The following COL6A1 variants were observed in gnomAD, a reference collection of about 807,000 sequenced individuals.
COL6A1 encodes collagen alpha-1(VI) chain.
A neutral mutation model predicts 145.6 loss-of-function variants in COL6A1; 80 were observed. The ratio of observed to expected loss-of-function variants is 0.55; its 90% confidence interval spans 0.46 to 0.66. The LOEUF (loss-of-function observed/expected upper bound fraction) is 0.66, where lower values mean the gene tolerates loss of function less well. COL6A1 is among the 30% of genes least tolerant of loss of function. The pLI, the probability that COL6A1 is intolerant of heterozygous loss-of-function variation, is 0.00. For synonymous variants in COL6A1, 638 were observed against 622.8 expected (o/e 1.02, Z -0.36); for missense variants, 1,364 against 1,473.8 (o/e 0.93, Z 1.22).
intron 2 of COL6A1, among the ~76,000 whole-genome samples, chr21:45,983,823 C>T (rs1387873493): frequency 7.6e-6 from 1 of 130,726 alleles, no homozygotes; most frequent in Non-Finnish European, 1.6e-5. Context: ...TTCCTGCAGG[C>T]GCCGTGGTCA....
intron 20 of COL6A1, among the ~76,000 whole-genome samples, chr21:45,995,477 G>A (rs1569518551): frequency 6.6e-6 from 1 of 152,246 alleles, no homozygotes; most frequent in Non-Finnish European, 1.5e-5. Context: ...CCAGACCTTG[G>A]TAGCTGAAAG....
chr21:46,001,474 C>T (rs376772879), intron 30 of COL6A1, 88 bp downstream of exon 30: 15 of 1,536,380 alleles, frequency 9.8e-6, no homozygotes, highest in African/African-American at 5.4e-5. Context: ...CTCAGCCTCC[C>T]GAGGCCACCG....
In COL6A1 at chr21:45,984,447, G is replaced by T; in HGVS notation, c.406G>T (p.Gly136Trp). 6.2e-7 allele frequency: 1 copy of T among 1,611,372 alleles called. No homozygotes were observed. The highest frequency in any genetic ancestry group is 8.5e-7 in the Non-Finnish European group (1 of 1,179,920). ...GTYTDCAIKK[G>W]LEQLLVGGSH... ...CTACACCGACTGCGCTATCAAGAAG[G>T]GGCTGGAGCAGCTCCTCGTGGGGTG... Residue 136 changes from glycine (G) to tryptophan (W), a missense_variant, in exon 3 of 35, where the codon GGG (glycine) becomes TGG (tryptophan). Gly to Trp is a radical substitution (Grantham distance 184). Around this residue, in one of 3 missense-constraint regions of COL6A1, gnomAD observed 414 missense variants for 437.6 expected, o/e 0.95. Transcript: ENST00000361866.
At chr21:45,996,575 C>T (rs897084909) in intron 20 of COL6A1, among the ~76,000 whole-genome samples, 2 of 151,962 alleles carry the variant, frequency 1.3e-5, no homozygotes, top group Non-Finnish European at 2.9e-5. Context: ...CAGGGACAGG[C>T]GTCTGAGCAG....
intron 29 of COL6A1, 149 bp from the exon 30 acceptor site, chr21:46,001,104 G>T: frequency 9.0e-7 from 1 of 1,111,614 alleles, no homozygotes; most frequent in Non-Finnish European, 1.3e-6. Flanking sequence ...GGCCATGGGA[G>T]GGGGTGGGCT....
chr21:45,999,492 C>T, intron 26 of COL6A1, 165 bp from the exon 27 acceptor site: 1 of 841,468 alleles, frequency 1.2e-6, no homozygotes, highest in Non-Finnish European at 1.9e-6. Context: ...GAAGCCCCAG[C>T]TGCCCTCACA....
In COL6A1 at chr21:46,003,815, G is replaced by A. The variant is rs779008040; in HGVS notation, c.2889G>A (p.Gln963=). Residue 963 remains glutamine, a synonymous_variant, in exon 35 of 35, where the codon CAG becomes CAA. Transcript: ENST00000361866. ...AAIEKAVQEA[Q]RAGIEIFVVV... ...TCGAGAAGGCCGTGCAGGAAGCCCA[G>A]CGGGCAGGCATCGAGATCTTCGTGG... 1 of 1,606,822 alleles carries A rather than the reference G, an allele frequency of 6.2e-7. No individual in the cohort carries two copies.
Position 45,999,135 on chromosome 21 carries a change from A to C in COL6A1, c.1675-18A>C. 1 of 1,585,108 alleles carries C rather than the reference A, an allele frequency of 6.3e-7. No individual in the cohort carries two copies. Among genetic ancestry groups the C allele is most frequent in the Non-Finnish European group, 8.6e-7 (1 of 1,166,146 alleles). ...CGGGTGGTGCACGGTCTGTTGACACAACGCTGTTCCCTTCTAGAACAACGA... is the reference window on the plus strand; with the variant it reads ...CGGGTGGTGCACGGTCTGTTGACACCACGCTGTTCCCTTCTAGAACAACGA... On this transcript the variant is annotated intron_variant, in intron 25 of 34. Transcript: ENST00000361866.
chr21:46,001,771 C>A (rs1033113553), intron 30 of COL6A1, among the ~76,000 whole-genome samples, 190 bp from the exon 31 acceptor site: 1 of 150,694 alleles, frequency 6.6e-6, no homozygotes, highest in Non-Finnish European at 1.5e-5. Context: ...CGGAGCCAAT[C>A]GCAGGGTACC....
Position 45,999,792 on chromosome 21 carries a change from CG to C in COL6A1, c.1776+107del. On this transcript the variant is annotated intron_variant, in intron 27 of 34. Coordinates refer to ENST00000361866, the MANE Select transcript of COL6A1 (RefSeq NM_001848.3). The stretch of plus-strand genomic sequence containing the variant: ...TGGGTGCTCCTGTAGACGCTGCTCA[CG>C]GGGGGGTGGGTTGTGGACAAAGAGC... The C allele has an allele frequency of 1.2e-4, 100 of 831,230 alleles. 1 individual carries two copies. The highest frequency in any genetic ancestry group is 1.4e-4 in the Non-Finnish European group (77 of 546,320). 51.5% of individuals were successfully genotyped at this position (831,230 alleles called of 1,614,324 possible).
intron 18 of COL6A1, 79 bp downstream of exon 18, chr21:45,992,477 C>T (rs2077782514): frequency 2.0e-6 from 3 of 1,521,604 alleles, no homozygotes; most frequent in Admixed American, 3.7e-5. Flanking sequence ...CAGTCTGGCC[C>T]TCCCAGCACT....
In COL6A1 at chr21:45,989,108, C is replaced by G. The variant is rs747542234; in HGVS notation, c.829C>G (p.Pro277Ala). 1 of 1,611,292 alleles carries G rather than the reference C, an allele frequency of 6.2e-7. No individual in the cohort carries two copies. Among genetic ancestry groups the G allele is most frequent in the Non-Finnish European group, 8.5e-7 (1 of 1,178,946 alleles). ...FEGERGKPGL[P>A]GEKGEAGDPG... ...GGGAGAACGAGGCAAGCCGGGGCTC[C>G]CAGGAGAGAAGGGAGAAGCCGGAGA... is the stretch of plus-strand genomic sequence containing the variant. The change falls in exon 9 of 35, where the codon CCA (proline) becomes GCA (alanine). Residue 277 changes from proline to alanine, a missense_variant. Physicochemically the swap from Pro to Ala is conservative, Grantham distance 27. Around this residue, in one of 3 missense-constraint regions of COL6A1, gnomAD observed 414 missense variants for 437.6 expected, o/e 0.95. Transcript: ENST00000361866.
At chr21:46,001,512 G>A in intron 30 of COL6A1, 126 bp downstream of exon 30, 1 of 1,325,402 alleles carries the variant, frequency 7.5e-7, no homozygotes, top group East Asian at 2.3e-5. Flanking sequence ...CCCTACTCAT[G>A]ACAAGGATGC....
Position 46,004,073 on chromosome 21 carries a change from CAG to C in COL6A1, c.*63_*64del, listed in dbSNP as rs886057158. ...CCACCCCTCCCCACTCATCACTAAA[CAG>C]AGTAAAATGTGATGCGAATTTTCCC... is the stretch of plus-strand genomic sequence containing the variant. On this transcript the variant is annotated 3_prime_UTR_variant, in exon 35 of 35. Coordinates refer to ENST00000361866, the MANE Select transcript of COL6A1 (RefSeq NM_001848.3). 1.2e-4 allele frequency: 189 copies of C among 1,589,594 alleles called. 1 individual carries two copies. Among genetic ancestry groups the C allele is most frequent in the Middle Eastern group, 5.1e-4 (3 of 5,888 alleles).
intron 2 of COL6A1, 98 bp from the exon 3 acceptor site, chr21:45,984,171 G>A: frequency 9.1e-6 from 11 of 1,203,144 alleles, no homozygotes; most frequent in Non-Finnish European, 1.2e-5. Context: ...CGGCCAGGGT[G>A]GGGCAGCCTG....
intron 30 of COL6A1, 71 bp downstream of exon 30, chr21:46,001,457 G>C (rs574889817): frequency 6.3e-7 from 1 of 1,585,762 alleles, no homozygotes; most frequent in African/African-American, 1.3e-5. Context: ...CCCTGCCCGC[G>C]CCAGACCTCA....
Position 45,998,160 on chromosome 21 carries a change from C to T in COL6A1, c.1564C>T (p.Pro522Ser). The change falls in exon 23 of 35, where the codon CCC becomes TCC. Residue 522 changes from proline to serine, a missense_variant. Physicochemically the swap from Pro to Ser is moderately conservative, Grantham distance 74. Coordinates refer to ENST00000361866, the MANE Select transcript of COL6A1 (RefSeq NM_001848.3). ...CGCTGGAAATGGCACCGAGGGCTTC[C>T]CCGGCTTCCCCGTAAGTGTCCGGAG... ...GPAGNGTEGF[P>S]GFPGYPGNRG... is the part of the protein sequence containing the mutation. The T allele has an allele frequency of 1.2e-6, 2 of 1,612,284 alleles. No homozygotes were observed. The highest frequency in any genetic ancestry group is 1.7e-4 in the Middle Eastern group (1 of 6,060).
In COL6A1 at chr21:46,001,335, G is replaced by A. The variant is rs2077843771; in HGVS notation, c.1905G>A (p.Lys635=). 2 of 1,612,770 alleles carry A rather than the reference G, an allele frequency of 1.2e-6. No homozygotes were observed. Among genetic ancestry groups the A allele is most frequent in the African/African-American group, 2.7e-5 (2 of 74,936 alleles). Residue 635 remains lysine (K), a synonymous_variant, in exon 30 of 35, where the codon AAG becomes AAA. Transcript: ENST00000361866. ...GCCTGCAGAACTTCGAGATTGCCAA[G>A]GACTTCGTCGTCAAGGTCATCGACC... ...SIGLQNFEIA[K]DFVVKVIDRL...
chr21:45,990,046 C>T (rs889396659), intron 11 of COL6A1, among the ~76,000 whole-genome samples: 1 of 141,944 alleles, frequency 7.0e-6, no homozygotes, highest in African/African-American at 2.5e-5. Context: ...GTCCCCCGGG[C>T]GGTTACCCTC....
Sources: gnomAD v4.1 joint callset for allele counts (sites outside exome capture counted in the v4.1 genomes callset) on GRCh38, gnomAD v4.1.1 for gene constraint, gnomAD v4.1.1 regional missense constraint, MANE v1.5 for transcripts, NCBI Gene and HGNC (gene_info 2026-07-23, HGNC 2026-07-21) for gene names.